The following CDKAL1 variants were observed in gnomAD, a reference collection of about 807,000 sequenced individuals.
CDKAL1 encodes threonylcarbamoyladenosine tRNA methylthiotransferase.
A neutral mutation model predicts 68.2 loss-of-function variants in CDKAL1; 32 were observed. The ratio of observed to expected loss-of-function variants is 0.47; its 90% CI spans 0.35 to 0.63. CDKAL1 has a LOEUF of 0.63. CDKAL1 is among the 30% of genes least tolerant of loss of function. The probability of loss-of-function intolerance (pLI) is 0.00; values close to 1 mark genes in which losing one functional copy is unlikely to be tolerated. For synonymous variants in CDKAL1, 234 were observed against 244.3 expected (o/e 0.96, Z 0.39); for missense variants, 606 against 696.7 (o/e 0.87, Z 1.47).
At chr6:21,108,292 A>C (rs1260580725) in intron 12 of CDKAL1, 109 bp from the exon 13 acceptor site, 35 of 692,302 alleles carry the variant, frequency 5.1e-5, no homozygotes, top group Non-Finnish European at 2.1e-5. Flanking sequence ...AAAAAAAAAA[A>C]AAAAAACTTT....
intron 4 of CDKAL1, among the ~76,000 whole-genome samples, chr6:20,612,141 T>C (rs1004251196): frequency 1.3e-5 from 2 of 152,252 alleles, no homozygotes; most frequent in Admixed American, 1.3e-4. Context: ...ATTTTCTTTA[T>C]CCATTTTTCT....
At chr6:20,687,608 AGCTCACT>A (rs1770685400) in intron 5 of CDKAL1, among the ~76,000 whole-genome samples, 1 of 151,954 alleles carries the variant, frequency 6.6e-6, no homozygotes, top group Admixed American at 6.6e-5. Flanking sequence ...GCATGGTCAC[AGCTCACT>A]GCAGCCTCGA....
At chr6:20,672,258 CTTTCTTTTTCTT>C (rs1554172778) in intron 5 of CDKAL1, among the ~76,000 whole-genome samples, 5 of 91,278 alleles carry the variant, frequency 5.5e-5, no homozygotes, top group Non-Finnish European at 1.1e-4. Context: ...TTCTTTCTTT[CTTTCTTTTTCTT>C]TTTCTTTCTT....
At chr6:21,125,036 G>A (rs191730375) in intron 13 of CDKAL1, among the ~76,000 whole-genome samples, 33 of 152,040 alleles carry the variant, frequency 2.2e-4, no homozygotes, top group Non-Finnish European at 1.2e-4. Flanking sequence ...AGAAGCCACC[G>A]TCACTTCATT....
intron 4 of CDKAL1, among the ~76,000 whole-genome samples, chr6:20,648,754 G>A (rs1164141911): frequency 6.6e-6 from 1 of 152,160 alleles, no homozygotes; most frequent in Admixed American, 6.5e-5. Flanking sequence ...AAATATGATG[G>A]GTTTGGATTA....
In CDKAL1 at chr6:20,569,452, C is replaced by T. The variant is rs75589638; in HGVS notation, c.286+20747C>T. 7.1e-3 allele frequency among the ~76,000 whole-genome samples: 1,088 copies of T among 152,298 alleles called. 9 individuals are homozygous for T. The highest frequency in any genetic ancestry group is 0.023 in the African/African-American group (954 of 41,562). On this transcript the variant is annotated intron_variant, in intron 4 of 15. Transcript: ENST00000274695. ...TCTTCCTGACTCATCATCCCTTCTGCCACCTGCCAAAGGAATGCTTTTACT... is the reference window on the plus strand; with the variant it reads ...TCTTCCTGACTCATCATCCCTTCTGTCACCTGCCAAAGGAATGCTTTTACT...
chr6:21,195,485 ATTTATTTATT>A (rs1488657973), intron 13 of CDKAL1, among the ~76,000 whole-genome samples: 1 of 99,296 alleles, frequency 1.0e-5, no homozygotes, highest in African/African-American at 3.1e-5. Flanking sequence ...TTTTTTATTT[ATTTATTTATT>A]TATTTATTTA....
intron 9 of CDKAL1, among the ~76,000 whole-genome samples, chr6:20,894,893 A>G (rs953137667): frequency 1.3e-5 from 2 of 151,846 alleles, no homozygotes; most frequent in Non-Finnish European, 2.9e-5. Flanking sequence ...AATTTTCCTC[A>G]GAGAATAAAC....
intron 11 of CDKAL1, among the ~76,000 whole-genome samples, chr6:21,003,068 G>A (rs1767515410): frequency 6.6e-6 from 1 of 151,946 alleles, no homozygotes; most frequent in African/African-American, 2.4e-5. Context: ...TAGTCCATCT[G>A]TTGTGAAGAA....
At chr6:20,872,736 G>A (rs143339728) in intron 9 of CDKAL1, among the ~76,000 whole-genome samples, 2 of 152,036 alleles carry the variant, frequency 1.3e-5, no homozygotes, top group African/African-American at 2.4e-5. Context: ...TATAAAGGAT[G>A]GTGTGAAAAG....
chr6:21,227,262 A>G (rs575567886), intron 15 of CDKAL1, among the ~76,000 whole-genome samples: 4 of 152,176 alleles, frequency 2.6e-5, no homozygotes, highest in Admixed American at 2.6e-4. Context: ...CCTGCTTTCA[A>G]CTGGTATGGT....
At chr6:20,762,578 G>C (rs1418383450) in intron 7 of CDKAL1, among the ~76,000 whole-genome samples, 4 of 152,120 alleles carry the variant, frequency 2.6e-5, no homozygotes, top group Non-Finnish European at 4.4e-5. Flanking sequence ...GAAATAATGT[G>C]GTTGTTACAG....
chr6:21,032,754 A>G (rs928801534), intron 11 of CDKAL1, among the ~76,000 whole-genome samples: 1 of 152,194 alleles, frequency 6.6e-6, no homozygotes, highest in African/African-American at 2.4e-5. Flanking sequence ...AGCCTGTACC[A>G]TATAGCCTAG....
In CDKAL1 at chr6:20,572,468, A is replaced by T. The variant is rs7759094; in HGVS notation, c.286+23763A>T. 3.6e-3 allele frequency among the ~76,000 whole-genome samples: 552 copies of T among 152,322 alleles called. 6 individuals carry two copies. Among genetic ancestry groups the T allele is most frequent in the African/African-American group, 0.013 (531 of 41,582 alleles). On this transcript the variant is annotated intron_variant, in intron 4 of 15. Coordinates refer to ENST00000274695, the MANE Select transcript of CDKAL1 (RefSeq NM_017774.3). ...CCAGACAGCAATCTTTCATTTTGAC[A>T]TGCACATAGTCAAAGTAAATTAATG...
intron 8 of CDKAL1, among the ~76,000 whole-genome samples, chr6:20,815,377 G>A (rs1263439257): frequency 6.6e-6 from 1 of 152,074 alleles, no homozygotes; most frequent in East Asian, 1.9e-4. Context: ...TGTTTCTCCT[G>A]TGCTAATTGA....
intron 4 of CDKAL1, among the ~76,000 whole-genome samples, chr6:20,596,940 C>T (rs997359831): frequency 1.3e-5 from 2 of 152,134 alleles, no homozygotes; most frequent in African/African-American, 4.8e-5. Flanking sequence ...CAACGCCCCG[C>T]CCTGCTTCGG....
intron 13 of CDKAL1, among the ~76,000 whole-genome samples, chr6:21,194,252 C>T (rs1263444284): frequency 1.3e-5 from 2 of 152,208 alleles, no homozygotes; most frequent in African/African-American, 2.4e-5. Context: ...GCCAGTCACA[C>T]ATTTTATGAG....
At chr6:21,062,936 A>G (rs1421151090) in intron 11 of CDKAL1, among the ~76,000 whole-genome samples, 1 of 151,964 alleles carries the variant, frequency 6.6e-6, no homozygotes, top group Admixed American at 6.6e-5. Flanking sequence ...GTTTTTTGAG[A>G]CGAAGTCTTG....
chr6:21,127,081 G>T (rs7751485), intron 13 of CDKAL1, among the ~76,000 whole-genome samples: 1 of 151,890 alleles, frequency 6.6e-6, no homozygotes, highest in African/African-American at 2.4e-5. Context: ...GGTCGATTTG[G>T]GTTATGTACA....
Sources: allele counts gnomAD v4.1 joint callset (sites outside exome capture counted in the v4.1 genomes callset), GRCh38; gene constraint gnomAD v4.1.1; transcripts MANE v1.5; gene names NCBI Gene and HGNC (gene_info 2026-07-23, HGNC 2026-07-21).